CFAP65: variants seen among roughly 807,000 people sequenced by gnomAD.
CFAP65 encodes the protein cilia and flagella associated protein 65.
CFAP65 carries 155 observed loss-of-function variants against 208.0 expected under a neutral mutation model. The observed-to-expected ratio is 0.75, with a 90% confidence interval of 0.65 to 0.85. CFAP65 has a LOEUF of 0.85. Among genes scored for constraint, CFAP65 ranks in the 40% least tolerant of loss-of-function variants. The probability of loss-of-function intolerance (pLI) is 0.00; values close to 1 mark genes in which losing one functional copy is unlikely to be tolerated. For missense variants in CFAP65, 2,294 were observed against 2,451.3 expected (o/e 0.94, Z 1.36); for synonymous variants, 970 against 986.3 (o/e 0.98, Z 0.31).
In CFAP65 at chr2:219,021,804, C is replaced by T; in HGVS notation, c.3106G>A (p.Glu1036Lys). 6.2e-7 allele frequency: 1 copy of T among 1,613,726 alleles called. No homozygotes were observed. The highest frequency in any genetic ancestry group is 2.2e-5 in the East Asian group (1 of 44,882). ...CCGAGGGGGTGGTTGTCAACGGCCT[C>T]AGGGCTGCCCTGCTCCAGGTAGAGG... is the stretch of plus-strand genomic sequence containing the variant. ...YRLYLEQGSPEAVDNHPLALQ... is the reference protein window; with the variant it reads ...YRLYLEQGSPKAVDNHPLALQ... Residue 1036 changes from glutamate to lysine, a missense_variant, in exon 18 of 35, where the codon GAG (glutamate) becomes AAG (lysine). Glu to Lys is a moderately conservative substitution (Grantham distance 56, BLOSUM62 1). Transcript: ENST00000341552.
At chr2:219,023,159 T>C (rs1947379772) in intron 16 of CFAP65, 48 bp downstream of exon 16, 1 of 1,493,620 alleles carries the variant, frequency 6.7e-7, no homozygotes, top group Non-Finnish European at 9.2e-7. Context: ...AAATAAGAGA[T>C]GACAGAAGTG....
chr2:219,041,181 G>A (rs1359140455), intron 1 of CFAP65, among the ~76,000 whole-genome samples: 1 of 152,182 alleles, frequency 6.6e-6, no homozygotes, highest in Non-Finnish European at 1.5e-5. Context: ...CCTAATTGCT[G>A]ATCTAAAAAT....
At position 219,003,255 on chromosome 2, in the gene CFAP65, T is replaced by A. The variant is rs11893183; in HGVS notation, c.5573A>T (p.Asn1858Ile). ...GTTCTCCAGCAGCGCCTCCTGCAGG[T>A]TGGCGAAGGCCGGGAGCCTGCGAGG... ...EAIRRLPAFA[N>I]LQEALLENMI... Residue 1858 changes from asparagine (N) to isoleucine (I), a missense_variant, in exon 34 of 35, where the codon AAC becomes ATC. Transcript: ENST00000341552. This position sits in a 1 kb window ranked among gnomAD's most constrained non-coding sequence, Gnocchi z 4.4. 1 of 1,543,570 alleles carries A rather than the reference T, an allele frequency of 6.5e-7. No individual in the cohort carries two copies. Among genetic ancestry groups the A allele is most frequent in the Non-Finnish European group, 8.7e-7 (1 of 1,143,366 alleles).
At position 219,005,543 on chromosome 2, in the gene CFAP65, C is replaced by G; in HGVS notation, c.4942G>C (p.Ala1648Pro). Residue 1648 changes from alanine to proline, a missense_variant, in exon 32 of 35, where the codon GCC becomes CCC. Physicochemically the swap from Ala to Pro is conservative, Grantham distance 27. This residue lies in a region of CFAP65 where 1,427 missense variants were observed against 1,438.7 expected (regional missense o/e 0.99). Transcript: ENST00000341552. ...FLHRELPKRK[A>P]PREESETSEE... The stretch of plus-strand genomic sequence containing the variant: ...GAAGTCTCTGACTCTTCCCTGGGGG[C>G]CTTCCTCTTTGGCAGCTCCCTGTGG... 2.5e-6 allele frequency: 4 copies of G among 1,612,116 alleles called. No individual in the cohort carries two copies. The highest frequency in any genetic ancestry group is 3.4e-6 in the Non-Finnish European group (4 of 1,179,900).
chr2:219,024,124 A>C lies in CFAP65; in HGVS notation c.2486T>G (p.Val829Gly). ...GATGATCTGGTGGGCCCCGGGTGCC[A>C]CAAGGCCCGAAGTGGGCCGAAGGAT... ...DVILRPTSGL[V>G]APGAHQIILI... Residue 829 changes from valine to glycine, a missense_variant, in exon 15 of 35, where the codon GTG (valine) becomes GGG (glycine). Val to Gly is a moderately radical substitution (Grantham distance 109). This residue lies in a region of CFAP65 where 1,427 missense variants were observed against 1,438.7 expected (regional missense o/e 0.99). Coordinates refer to ENST00000341552, the MANE Select transcript of CFAP65 (RefSeq NM_194302.4). 1 of 1,614,044 alleles carries C rather than the reference A, an allele frequency of 6.2e-7. No homozygotes were observed. Among genetic ancestry groups the C allele is most frequent in the Non-Finnish European group, 8.5e-7 (1 of 1,180,018 alleles).
Position 219,004,382 on chromosome 2 carries a change from G to A in CFAP65, c.5125C>T (p.Gln1709Ter). 1 of 1,614,110 alleles carries A rather than the reference G, an allele frequency of 6.2e-7. No individual in the cohort carries two copies. Among genetic ancestry groups the A allele is most frequent in the Non-Finnish European group, 8.5e-7 (1 of 1,180,038 alleles). ...TTAGTTGACTGCTCATTCCAGAATTGGCGGAAGTACGGCACCTGCTCCACC... is the reference window on the plus strand; with the variant it reads ...TTAGTTGACTGCTCATTCCAGAATTAGCGGAAGTACGGCACCTGCTCCACC... ...SLVEQVPYFR[Q>*]FWNEQSTKFM... The change falls in exon 33 of 35, where the codon CAA becomes TAA. Residue 1709 changes from glutamine (Q) to a stop codon, truncating the protein, a stop_gained. Coordinates refer to ENST00000341552, the MANE Select transcript of CFAP65 (RefSeq NM_194302.4). LOFTEE classifies it high-confidence loss of function. This position sits in a 1 kb window ranked among gnomAD's most constrained non-coding sequence, Gnocchi z 4.7.
Position 219,019,572 on chromosome 2 carries a change from A to G in CFAP65, c.3407T>C (p.Leu1136Pro). The change falls in exon 20 of 35, where the codon CTT (leucine) becomes CCT (proline). Residue 1136 changes from leucine (L) to proline (P), a missense_variant. Coordinates refer to ENST00000341552, the MANE Select transcript of CFAP65 (RefSeq NM_194302.4). The stretch of plus-strand genomic sequence containing the variant: ...GGGGTCACGCTCCAAGTAACTGTTA[A>G]GCAGGTCCAGAGAGAAGAGGCGCCA... ...HLWRLFSLDL[L>P]NSYLERDPTP... is the part of the protein sequence containing the mutation. 1 of 1,613,750 alleles carries G rather than the reference A, an allele frequency of 6.2e-7. No homozygotes were observed. Among genetic ancestry groups the G allele is most frequent in the Non-Finnish European group, 8.5e-7 (1 of 1,180,024 alleles).
chr2:219,012,440 G>A (rs983479994), intron 24 of CFAP65, among the ~76,000 whole-genome samples: 1 of 152,230 alleles, frequency 6.6e-6, no homozygotes, highest in African/African-American at 2.4e-5. Context: ...GGTAGCGGGT[G>A]GGTATGGAAG....
At chr2:219,021,368 C>G (rs1417737879) in intron 18 of CFAP65, 88 bp from the exon 19 acceptor site, 1 of 1,403,014 alleles carries the variant, frequency 7.1e-7, no homozygotes, top group Non-Finnish European at 9.4e-7. Flanking sequence ...CCCTGGGCAC[C>G]AGGGGAGGAC....
rs1280305828 is a variant in CFAP65, at chr2:219,031,774, C to T, written c.646-116G>A. ...CGCTGAGGGGAGGGCCAGGCCGTGGCACCCACGTCAGACTCTGAGGGGAGC... is the reference window on the plus strand; with the variant it reads ...CGCTGAGGGGAGGGCCAGGCCGTGGTACCCACGTCAGACTCTGAGGGGAGC... On this transcript the variant is annotated intron_variant, in intron 6 of 34. Coordinates refer to ENST00000341552, the MANE Select transcript of CFAP65 (RefSeq NM_194302.4). This position sits in a 1 kb window ranked among gnomAD's most constrained non-coding sequence, Gnocchi z 5.2. 1.6e-6 allele frequency: 2 copies of T among 1,263,972 alleles called. No individual in the cohort carries two copies. Among genetic ancestry groups the T allele is most frequent in the Non-Finnish European group, 2.2e-6 (2 of 916,450 alleles). The allele number at this position is 1,263,972 out of a possible 1,614,324, so 78.3% of individuals were successfully genotyped here. A position where few individuals can be genotyped will look rare whatever the true frequency, so the allele number is the denominator to read the frequency against.
Position 219,021,240 on chromosome 2 carries a change from C to G in CFAP65, c.3171G>C (p.Arg1057=). Residue 1057 remains arginine (R), a synonymous_variant, in exon 19 of 35, where the codon CGG becomes CGC. Coordinates refer to ENST00000341552, the MANE Select transcript of CFAP65 (RefSeq NM_194302.4). ...CAGTCAGGCAGATGGTGTCCTGGGA[C>G]CGGGGTGGCATGCTCCCCTCTGTTC... The part of the protein sequence containing the change: ...LDRTEGSMPP[R]SQDTICLTAC... 5 of 1,607,734 alleles carry G rather than the reference C, an allele frequency of 3.1e-6. No homozygotes were observed. The highest frequency in any genetic ancestry group is 8.5e-7 in the Non-Finnish European group (1 of 1,176,708).
In CFAP65 at chr2:219,010,984, A is replaced by G; in HGVS notation, c.3970T>C (p.Tyr1324His). The G allele has an allele frequency of 5.6e-6, 9 of 1,606,978 alleles. No individual in the cohort carries two copies. Among genetic ancestry groups the G allele is most frequent in the Non-Finnish European group, 7.7e-6 (9 of 1,174,488 alleles). ...TLPPRQIYEL[Y>H]NGGSVPVTYE... is the part of the protein sequence containing the mutation. Reference sequence around the variant, plus strand: ...GTCACGGGCACTGAGCCACCATTATACAGCTCATAAATCTGCAGGGGGCAG... The same window carrying G: ...GTCACGGGCACTGAGCCACCATTATGCAGCTCATAAATCTGCAGGGGGCAG... Residue 1324 changes from tyrosine to histidine, a missense_variant, in exon 25 of 35, where the codon TAT (tyrosine) becomes CAT (histidine). Tyr to His is a moderately conservative substitution (Grantham distance 83). Transcript: ENST00000341552.
At position 219,019,781 on chromosome 2, in the gene CFAP65, T is replaced by A; in HGVS notation, c.3260-62A>T. ...CCTCCCACCTTCCCTGGAGGGGGCA[T>A]GCAGGCCAAAGGTGCAGGAGTCCTG... is the stretch of plus-strand genomic sequence containing the variant. On this transcript the variant is annotated intron_variant, in intron 19 of 34. Coordinates refer to ENST00000341552, the MANE Select transcript of CFAP65 (RefSeq NM_194302.4). The A allele has an allele frequency of 1.4e-6, 2 of 1,441,912 alleles. 1 individual carries two copies. The highest frequency in any genetic ancestry group is 2.4e-5 in the South Asian group (2 of 84,334). The allele number at this position is 1,441,912 out of a possible 1,614,324, so 89.3% of individuals were successfully genotyped here. A position where few individuals can be genotyped will look rare whatever the true frequency, so the allele number is the denominator to read the frequency against.
intron 16 of CFAP65, 152 bp downstream of exon 16, chr2:219,023,055 T>C: frequency 1.5e-6 from 1 of 672,828 alleles, no homozygotes; most frequent in South Asian, 1.6e-5. Context: ...GGGGGGATGG[T>C]GAGGGTAATA....
chr2:219,019,893 C>T (rs1947165773), intron 19 of CFAP65, among the ~76,000 whole-genome samples, 174 bp from the exon 20 acceptor site: 2 of 152,206 alleles, frequency 1.3e-5, no homozygotes, highest in African/African-American at 4.8e-5. Context: ...CCTTGTCTGA[C>T]ACTTTCTGTG....
At position 219,031,911 on chromosome 2, in the gene CFAP65, G is replaced by GTTTCT. The variant is rs1311319958; in HGVS notation, c.646-258_646-254dup. On this transcript the variant is annotated intron_variant, in intron 6 of 34. Coordinates refer to ENST00000341552, the MANE Select transcript of CFAP65 (RefSeq NM_194302.4). This position sits in a 1 kb window ranked among gnomAD's most constrained non-coding sequence, Gnocchi z 5.2. ...GAAGAGGCCAAGGAATGTAGAAGGG[G>GTTTCT]TTTCTTTTCTTTTCTTTTTTTTTTT... Among the ~76,000 whole-genome samples, 6 of 149,416 alleles carry GTTTCT rather than the reference G, an allele frequency of 4.0e-5. No individual in the cohort carries two copies. The highest frequency in any genetic ancestry group is 2.1e-4 in the South Asian group (1 of 4,774).
At chr2:219,028,576 A>G (rs1014223589) in intron 11 of CFAP65, among the ~76,000 whole-genome samples, 175 bp from the exon 12 acceptor site, 4 of 152,138 alleles carry the variant, frequency 2.6e-5, no homozygotes, top group South Asian at 2.1e-4. Flanking sequence ...GCCAGGGCAC[A>G]GCAGGAGTCC....
Position 219,032,483 on chromosome 2 carries a change from C to G in CFAP65, c.632G>C (p.Arg211Pro). ...GGCAGACCTTACCGCCTCCAGAGGC[C>G]GGAAGACGATGGGGAGCGTGAGGGT... is the stretch of plus-strand genomic sequence containing the variant. ...GITLTLPIVF[R>P]PLEAKEYMDQ... is the part of the protein sequence containing the mutation. The change falls in exon 6 of 35, where the codon CGG becomes CCG. Residue 211 changes from arginine to proline, a missense_variant. By Grantham distance (103) the Arg-to-Pro change is moderately radical (BLOSUM62 -2). This residue lies in a region of CFAP65 where 867 missense variants were observed against 1,012.6 expected (regional missense o/e 0.86). Coordinates refer to ENST00000341552, the MANE Select transcript of CFAP65 (RefSeq NM_194302.4). This position sits in a 1 kb window ranked among gnomAD's most constrained non-coding sequence, Gnocchi z 5.5. 2 of 1,596,386 alleles carry G rather than the reference C, an allele frequency of 1.3e-6. No individual in the cohort carries two copies. The highest frequency in any genetic ancestry group is 2.3e-5 in the East Asian group (1 of 44,180).
chr2:219,009,652 GGGATA>G (rs1946302931), intron 27 of CFAP65, among the ~76,000 whole-genome samples, 192 bp from the exon 28 acceptor site: 1 of 118,162 alleles, frequency 8.5e-6, no homozygotes, highest in East Asian at 2.6e-4. Flanking sequence ...GGGATGGGAT[GGGATA>G]GGATGGGGTG....
Sources: gnomAD v4.1 joint callset for allele counts (sites outside exome capture counted in the v4.1 genomes callset) on GRCh38, gnomAD v4.1.1 for gene constraint, gnomAD v4.1.1 regional missense constraint, Gnocchi (gnomAD v3.1) non-coding constraint, MANE v1.5 for transcripts, NCBI Gene and HGNC (gene_info 2026-07-23, HGNC 2026-07-21) for gene names.